GRAMD1B: variants seen among roughly 807,000 people sequenced by gnomAD.
GRAMD1B encodes the protein GRAM domain containing 1B.
In GRAMD1B, 37 loss-of-function variants were observed where a neutral mutation model predicts 99.7. The ratio of observed to expected loss-of-function variants is 0.37; its 90% confidence interval spans 0.29 to 0.49. The LOEUF (loss-of-function observed/expected upper bound fraction) is 0.49. GRAMD1B is among the 20% of genes least tolerant of loss of function. GRAMD1B has a pLI of 0.98. For synonymous variants in GRAMD1B, 427 were observed against 387.6 expected, an observed-to-expected ratio of 1.10 and a Z score of -1.19; for missense variants, 888 against 1,009.2, an observed-to-expected ratio of 0.88 and a Z score of 1.63.
Position 123,391,324 on chromosome 11 carries a change from A to T in GRAMD1B, c.-176+32525A>T, listed in dbSNP as rs1049921863. Among the ~76,000 whole-genome samples the T allele has an allele frequency of 3.3e-5, 5 of 152,148 alleles. No individual in the cohort carries two copies. In the East Asian group the frequency reaches 7.7e-4, roughly 23 times the overall value. On this transcript the variant is annotated intron_variant, in intron 1 of 20. Coordinates refer to the GRAMD1B transcript ENST00000638157. ...CTCTCACCATTAGTGTTGTGAGTCT[A>T]ATCTTCTCTTGCTTTCTCAGACCTT...
Position 123,610,447 on chromosome 11 carries a change from T to C in GRAMD1B, c.1919+109T>C, listed in dbSNP as rs910250541. On this transcript the variant is annotated intron_variant, in intron 14 of 19. Coordinates refer to ENST00000635736, the MANE Select transcript of GRAMD1B (RefSeq NM_001387025.1). The surrounding 1 kb of genome is among the most constrained non-coding windows in gnomAD (Gnocchi z 4.1). ...AGGTGGGGAGTGCTTGGCTGCTGAC[T>C]CTCTTTATTCTACTTTCTCTCCGAA... The C allele has an allele frequency of 2.9e-6, 3 of 1,031,002 alleles. No homozygotes were observed. Among genetic ancestry groups the C allele is most frequent in the Non-Finnish European group, 4.4e-6 (3 of 675,572 alleles). The allele number at this position is 1,031,002 out of a possible 1,614,324, so 63.9% of individuals were successfully genotyped here. A position where few individuals can be genotyped will look rare whatever the true frequency, so the allele number is the denominator to read the frequency against.
chr11:123,512,709 T>C (rs1456903956), intron 2 of GRAMD1B, among the ~76,000 whole-genome samples: 7 of 149,698 alleles, frequency 4.7e-5, no homozygotes. Context: ...GAATCTTTTT[T>C]TTTTTTTTTT....
At chr11:123,605,222 T>A in intron 9 of GRAMD1B, 100 bp from the exon 10 acceptor site, 5 of 767,568 alleles carry the variant, frequency 6.5e-6, no homozygotes, top group Non-Finnish European at 9.6e-6. Context: ...AAGCAGGAAA[T>A]CTCATAGATA....
At chr11:123,528,653 T>C (rs73027925) in intron 2 of GRAMD1B, among the ~76,000 whole-genome samples, 4,500 of 152,298 alleles carry the variant, frequency 0.03, 93 homozygotes, top group Non-Finnish European at 0.044. Context: ...TTCTCTAGTA[T>C]AATTTCCGCT....
intron 1 of GRAMD1B, among the ~76,000 whole-genome samples, chr11:123,476,352 C>T (rs1185418466): frequency 6.6e-6 from 1 of 152,204 alleles, no homozygotes; most frequent in Non-Finnish European, 1.5e-5. Flanking sequence ...CTACCCGCCT[C>T]GGCTTCCTAA....
intron 2 of GRAMD1B, among the ~76,000 whole-genome samples, chr11:123,554,401 A>G (rs1945934219): frequency 6.6e-6 from 1 of 151,876 alleles, no homozygotes; most frequent in Non-Finnish European, 1.5e-5. Flanking sequence ...AATATTAAGA[A>G]TCATTGGCTG....
rs558380854 is a variant in GRAMD1B at position 123,590,587 on chromosome 11, C to T, written c.685-3495C>T. On this transcript the variant is annotated intron_variant, in intron 4 of 19. Coordinates refer to ENST00000635736, the MANE Select transcript of GRAMD1B (RefSeq NM_001387025.1). Reference sequence around the variant, plus strand: ...GGCCCAGCTCTTCCCACCCACCTGCCCTGCCTCCCTTCTTCCCTCCCTCTC... The same window carrying T: ...GGCCCAGCTCTTCCCACCCACCTGCTCTGCCTCCCTTCTTCCCTCCCTCTC... Among the ~76,000 whole-genome samples, 429 of 152,232 alleles carry T rather than the reference C, an allele frequency of 2.8e-3. 4 individuals are homozygous for T. The highest frequency in any genetic ancestry group is 1.1e-3 in the Non-Finnish European group (78 of 68,004).
chr11:123,503,653 G>A (rs529251042), intron 2 of GRAMD1B, among the ~76,000 whole-genome samples: 2 of 151,668 alleles, frequency 1.3e-5, no homozygotes, highest in African/African-American at 4.8e-5. Context: ...TTCAAGGCAT[G>A]CTCCTGCCTC....
intron 1 of GRAMD1B, among the ~76,000 whole-genome samples, chr11:123,398,621 T>C (rs1947550938): frequency 6.6e-6 from 1 of 152,244 alleles, no homozygotes; most frequent in African/African-American, 2.4e-5. Context: ...TTAGCCATTT[T>C]AATAGGTGTG....
chr11:123,572,895 G>A (rs533043573), intron 2 of GRAMD1B, among the ~76,000 whole-genome samples: 18 of 150,198 alleles, frequency 1.2e-4, no homozygotes, highest in Middle Eastern at 3.5e-3. Flanking sequence ...GGACAGGGGC[G>A]CAGGTAGACC....
intron 18 of GRAMD1B, 107 bp from the exon 19 acceptor site, chr11:123,619,000 G>A: frequency 1.4e-6 from 1 of 714,686 alleles, no homozygotes; most frequent in Non-Finnish European, 2.4e-6. Flanking sequence ...GTGAGCAGAG[G>A]ACAAAGCACT....
chr11:123,541,576 A>T, intron 2 of GRAMD1B, among the ~76,000 whole-genome samples: 5 of 129,294 alleles, frequency 3.9e-5, no homozygotes, highest in Admixed American at 1.5e-4. Context: ...TTTCTTGTTG[A>T]CTTGTTTGTC....
intron 2 of GRAMD1B, among the ~76,000 whole-genome samples, chr11:123,522,344 G>C (rs1392001139): frequency 2.0e-5 from 3 of 151,972 alleles, no homozygotes; most frequent in African/African-American, 7.3e-5. Flanking sequence ...TCTTTTGGAT[G>C]GTCTTGCTCT....
At chr11:123,503,037 C>T (rs1940042818) in intron 2 of GRAMD1B, among the ~76,000 whole-genome samples, 1 of 152,120 alleles carries the variant, frequency 6.6e-6, no homozygotes, top group South Asian at 2.1e-4. Flanking sequence ...TATCGCTAAC[C>T]TGAGAAGAGA....
intron 2 of GRAMD1B, among the ~76,000 whole-genome samples, chr11:123,562,769 G>A (rs1326135088): frequency 6.6e-6 from 1 of 152,196 alleles, no homozygotes; most frequent in Non-Finnish European, 1.5e-5. Flanking sequence ...ATTGGGGGAA[G>A]TGGTGGGGGT....
intron 1 of GRAMD1B, among the ~76,000 whole-genome samples, chr11:123,372,008 A>T (rs1183726819): frequency 6.6e-6 from 1 of 152,194 alleles, no homozygotes; most frequent in Non-Finnish European, 1.5e-5. Context: ...CAGGGGAAAA[A>T]AAAAATCTCT....
chr11:123,371,631 T>A (rs1259934928), intron 1 of GRAMD1B, among the ~76,000 whole-genome samples: 1 of 152,174 alleles, frequency 6.6e-6, no homozygotes, highest in African/African-American at 2.4e-5. Flanking sequence ...TTCTGTGGGG[T>A]TGGTTCACCA....
In GRAMD1B at chr11:123,610,533, T is replaced by G. The variant is rs1335517624; in HGVS notation, c.1919+195T>G. 1.6e-4 allele frequency among the ~76,000 whole-genome samples: 24 copies of G among 152,192 alleles called. No individual in the cohort carries two copies. Among genetic ancestry groups the G allele is most frequent in the Admixed American group, 1.6e-3 (24 of 15,278 alleles). On this transcript the variant is annotated intron_variant, in intron 14 of 19. Transcript: ENST00000635736. The surrounding 1 kb of genome is among the most constrained non-coding windows in gnomAD (Gnocchi z 4.1). ...AATTATTCTCTCCACTCTCTACATC[T>G]TGTTAGTAAAACTTGTATAGCTACT... is the stretch of plus-strand genomic sequence containing the variant.
chr11:123,389,476 T>A (rs56663656), intron 1 of GRAMD1B, among the ~76,000 whole-genome samples: 6,809 of 151,256 alleles, frequency 0.045, 376 homozygotes, highest in African/African-American at 0.13. Context: ...ATAAGGAAAG[T>A]CTAAGAAACT....
Sources: gnomAD v4.1 joint callset for allele counts (sites outside exome capture counted in the v4.1 genomes callset) on GRCh38, gnomAD v4.1.1 for gene constraint, Gnocchi (gnomAD v3.1) non-coding constraint, MANE v1.5 for transcripts, NCBI Gene and HGNC (gene_info 2026-07-23, HGNC 2026-07-21) for gene names.